TRIM23: variants seen among roughly 807,000 people sequenced by gnomAD.
TRIM23 encodes tripartite motif containing 23.
TRIM23 carries 27 observed loss-of-function variants against 71.0 expected under a neutral mutation model. The ratio of observed to expected loss-of-function variants is 0.38; its 90% confidence interval spans 0.28 to 0.52. The LOEUF (loss-of-function observed/expected upper bound fraction) is 0.52, where lower values mean the gene tolerates loss of function less well. TRIM23 is among the 20% of genes least tolerant of loss of function. TRIM23 has a pLI of 0.84. For missense variants in TRIM23, 482 were observed against 692.3 expected (o/e 0.70, Z 3.41); for synonymous variants, 234 against 238.0 (o/e 0.98, Z 0.16).
At position 65,594,577 on chromosome 5, in the gene TRIM23, A is replaced by G. The variant is rs764403856; in HGVS notation, c.1489T>C (p.Leu497=). 5 of 1,612,726 alleles carry G rather than the reference A, an allele frequency of 3.1e-6. No homozygotes were observed. In the Admixed American group the frequency reaches 8.4e-5, roughly 27 times the overall value. ...TCTCGGAGTTCTTTTTCCGTTAACA[A>G]CTTTGCAAGTTCGCTGTGTGCTTCA... is the stretch of plus-strand genomic sequence containing the variant. ...ISEAHSELAK[L]LTEKELRDAL... Residue 497 remains leucine (L), a synonymous_variant, in exon 10 of 11, where the codon TTG becomes CTG. Transcript: ENST00000231524.
chr5:65,614,122 T>G lies in TRIM23; in HGVS notation c.342A>C (p.Glu114Asp). Residue 114 changes from glutamate to aspartate, a missense_variant, in exon 3 of 11, where the codon GAA becomes GAC. Coordinates refer to ENST00000231524, the MANE Select transcript of TRIM23 (RefSeq NM_001656.4). Reference sequence around the variant, plus strand: ...CCTCTCCAGATATCCCAATGGATTCTTCTGCAGCTCCATACTGACCAATAG... The same window carrying G: ...CCTCTCCAGATATCCCAATGGATTCGTCTGCAGCTCCATACTGACCAATAG... The part of the protein sequence containing the change: ...NGPIGQYGAA[E>D]ESIGISGESI... 1.2e-6 allele frequency: 2 copies of G among 1,613,970 alleles called. No homozygotes were observed. The highest frequency in any genetic ancestry group is 1.7e-6 in the Non-Finnish European group (2 of 1,179,954).
In TRIM23 at chr5:65,594,570, G is replaced by A. The variant is rs76664250; in HGVS notation, c.1496C>T (p.Thr499Met). 2.4e-5 allele frequency: 39 copies of A among 1,611,340 alleles called. 1 individual carries two copies. Among genetic ancestry groups the A allele is most frequent in the Admixed American group, 1.5e-4 (9 of 59,668 alleles). ...EAHSELAKLL[T>M]EKELRDALLL... ...CAGAGCATCTCGGAGTTCTTTTTCC[G>A]TTAACAACTTTGCAAGTTCGCTGTG... The change falls in exon 10 of 11, where the codon ACG becomes ATG. Residue 499 changes from threonine (T) to methionine (M), a missense_variant. Thr to Met is a moderately conservative substitution (Grantham distance 81, BLOSUM62 -1). Transcript: ENST00000231524.
intron 1 of TRIM23, among the ~76,000 whole-genome samples, chr5:65,621,442 A>G (rs564563639): frequency 1.6e-4 from 25 of 152,348 alleles, no homozygotes; most frequent in Middle Eastern, 6.8e-3. Flanking sequence ...TTATGACAAT[A>G]AACTCCAAAG....
intron 6 of TRIM23, among the ~76,000 whole-genome samples, chr5:65,605,471 A>T (rs1023329692): frequency 6.6e-6 from 1 of 152,200 alleles, no homozygotes; most frequent in Admixed American, 6.5e-5. Flanking sequence ...AGTATGAGGG[A>T]ACTACTGGGG....
At chr5:65,623,441 A>G (rs535104141) in intron 1 of TRIM23, among the ~76,000 whole-genome samples, 4 of 152,192 alleles carry the variant, frequency 2.6e-5, no homozygotes, top group Non-Finnish European at 5.9e-5. Context: ...TCTCCCCTCC[A>G]TATCTTTCCG....
chr5:65,606,092 A>G (rs1422483427), intron 6 of TRIM23, among the ~76,000 whole-genome samples: 2 of 152,116 alleles, frequency 1.3e-5, no homozygotes, highest in South Asian at 4.1e-4. Context: ...CTTTTAACAT[A>G]TAAGATTAAG....
chr5:65,599,078 C>G (rs1754289332), intron 7 of TRIM23, among the ~76,000 whole-genome samples: 1 of 151,680 alleles, frequency 6.6e-6, no homozygotes, highest in Non-Finnish European at 1.5e-5. Flanking sequence ...AGCAATTAGG[C>G]AAGAAGAATA....
Position 65,618,236 on chromosome 5 carries a change from CA to C in TRIM23, c.100del (p.Cys34ValfsTer45), listed in dbSNP as rs775906077. On this transcript the variant is annotated frameshift_variant, in exon 2 of 11. Transcript: ENST00000231524. LOFTEE classifies it high-confidence loss of function. The part of the protein sequence containing the change: ...AVVKVLECGV[C>X]EDVFSLQGDK... ...TCCTTGCAAAGAAAAGACATCTTCA[CA>C]AACTCCACACTCTAGCACCTAATAT... 2 of 1,613,816 alleles carry C rather than the reference CA, an allele frequency of 1.2e-6. No homozygotes were observed. The highest frequency in any genetic ancestry group is 8.5e-7 in the Non-Finnish European group (1 of 1,179,950).
chr5:65,614,734 C>CAA (rs761305985), intron 2 of TRIM23, among the ~76,000 whole-genome samples: 16 of 78,684 alleles, frequency 2.0e-4, no homozygotes, highest in East Asian at 1.2e-3. Flanking sequence ...GACTCTATCT[C>CAA]AAAAAAAAAA....
intron 1 of TRIM23, among the ~76,000 whole-genome samples, chr5:65,620,205 A>G (rs116618131): frequency 6.6e-6 from 1 of 152,184 alleles, no homozygotes; most frequent in Admixed American, 6.5e-5. Context: ...ACTCTCATAC[A>G]TTACTAATTG....
At chr5:65,596,602 A>AC in intron 8 of TRIM23, 71 bp from the exon 9 acceptor site, 1 of 909,040 alleles carries the variant, frequency 1.1e-6, no homozygotes, top group Non-Finnish European at 1.7e-6. Flanking sequence ...AACACAGACA[A>AC]CCCCCAGTTT....
chr5:65,609,601 G>A lies in TRIM23; in HGVS notation c.829-143C>T, dbSNP rs542317264. ...AAAAATTAGCCAGCCGTGGTGGCAT[G>A]TGCCTGTAGTCCCAGCTACTCAGGA... On this transcript the variant is annotated intron_variant, in intron 5 of 10. Transcript: ENST00000231524. 374 of 812,532 alleles carry A rather than the reference G, an allele frequency of 4.6e-4. No individual in the cohort carries two copies. In the African/African-American group the frequency reaches 5.9e-3, roughly 13 times the overall value. The allele number at this position is 812,532 out of a possible 1,614,324, so 50.3% of individuals were successfully genotyped here.
chr5:65,594,278 C>T (rs937263019), intron 10 of TRIM23, among the ~76,000 whole-genome samples: 1 of 152,126 alleles, frequency 6.6e-6, no homozygotes, highest in Non-Finnish European at 1.5e-5. Flanking sequence ...CAGTCTTCTT[C>T]GTATTCAGAT....
At chr5:65,623,693 A>G (rs1755018872) in intron 1 of TRIM23, among the ~76,000 whole-genome samples, 2 of 151,800 alleles carry the variant, frequency 1.3e-5, no homozygotes, top group African/African-American at 4.8e-5. Flanking sequence ...CAGACGCAGT[A>G]CAAGAGCGAA....
chr5:65,612,422 A>G (rs1754677110), intron 3 of TRIM23, among the ~76,000 whole-genome samples: 1 of 152,166 alleles, frequency 6.6e-6, no homozygotes, highest in African/African-American at 2.4e-5. Flanking sequence ...GATGAACCCT[A>G]GACTTGTATA....
At chr5:65,612,519 C>T (rs1754679607) in intron 3 of TRIM23, among the ~76,000 whole-genome samples, 1 of 148,834 alleles carries the variant, frequency 6.7e-6, no homozygotes, top group African/African-American at 2.5e-5. Context: ...CTGATTTAAG[C>T]AAATAAAAAA....
chr5:65,611,464 A>C, intron 4 of TRIM23, 139 bp downstream of exon 4: 1 of 872,054 alleles, frequency 1.1e-6, no homozygotes, highest in Non-Finnish European at 1.6e-6. Flanking sequence ...ATTTATTTTC[A>C]TGCTACCAAA....
In TRIM23 at chr5:65,609,402, T is replaced by C. The variant is rs374508796; in HGVS notation, c.885A>G (p.Leu295=). The change falls in exon 6 of 11, where the codon CTA becomes CTG. Residue 295 remains leucine (L), a synonymous_variant. Transcript: ENST00000231524. ...RSCIRAYFYD[L]HETLCRQEEM... is the part of the protein sequence containing the mutation. Reference sequence around the variant, plus strand: ...CTTCTTGACGACACAGAGTTTCATGTAGATCATAAAAATAAGCTCGAATAC... The same window carrying C: ...CTTCTTGACGACACAGAGTTTCATGCAGATCATAAAAATAAGCTCGAATAC... 2 of 1,614,168 alleles carry C rather than the reference T, an allele frequency of 1.2e-6. No homozygotes were observed. The highest frequency in any genetic ancestry group is 1.7e-6 in the Non-Finnish European group (2 of 1,180,036).
In TRIM23 at chr5:65,591,466, T is replaced by A. The variant is rs770887083; in HGVS notation, c.*303A>T. On this transcript the variant is annotated 3_prime_UTR_variant, in exon 11 of 11. Transcript: ENST00000231524. ...CACTTACCCTTTCTCTGTGACTACCTCTTTCCCAGTATATTGGTCACATAT... is the reference window on the plus strand; with the variant it reads ...CACTTACCCTTTCTCTGTGACTACCACTTTCCCAGTATATTGGTCACATAT... The A allele has an allele frequency of 9.4e-6, 15 of 1,593,086 alleles. No homozygotes were observed. Among genetic ancestry groups the A allele is most frequent in the Non-Finnish European group, 1.2e-5 (14 of 1,171,490 alleles).
Sources: gnomAD v4.1 joint callset for allele counts (sites outside exome capture counted in the v4.1 genomes callset) on GRCh38, gnomAD v4.1.1 for gene constraint, MANE v1.5 for transcripts, NCBI Gene and HGNC (gene_info 2026-07-23, HGNC 2026-07-21) for gene names.